The following NUBP2 variants were observed in gnomAD, a reference collection of about 807,000 sequenced individuals.
NUBP2 encodes NUBP iron-sulfur cluster assembly factor 2, cytosolic.
A neutral mutation model predicts 24.9 loss-of-function variants in NUBP2; 23 were observed. The observed-to-expected ratio is 0.92, with a 90% confidence interval of 0.66 to 1.31. NUBP2 has a LOEUF of 1.31. NUBP2 is among the 50% of genes most tolerant of loss of function. The pLI is 0.00. For synonymous variants in NUBP2, 186 were observed against 170.9 expected, an observed-to-expected ratio of 1.09 and a Z score of -0.69; for missense variants, 403 against 386.5, an observed-to-expected ratio of 1.04 and a Z score of -0.36.
At chr16:1,786,340 CCCCCGGGTCTGG>C in intron 1 of NUBP2, 185 bp from the exon 2 acceptor site, 1 of 603,030 alleles carries the variant, frequency 1.7e-6, no homozygotes, top group Non-Finnish European at 2.9e-6. Context: ...TTAGAGGGTC[CCCCCGGGTCTGG>C]GGCTGCAGGG....
At position 1,786,424 on chromosome 16, in the gene NUBP2, G is replaced by A. The variant is rs1596872461; in HGVS notation, c.17-113G>A. 10 of 943,532 alleles carry A rather than the reference G, an allele frequency of 1.1e-5. No homozygotes were observed. In the East Asian group the frequency reaches 1.7e-4, roughly 16 times the overall value. 58.4% of individuals were successfully genotyped at this position (943,532 alleles called of 1,614,324 possible). On this transcript the variant is annotated intron_variant, in intron 1 of 6. Coordinates refer to ENST00000262302, the MANE Select transcript of NUBP2 (RefSeq NM_012225.4). ...GGCACGGGCTGCCTCTGGGTCTGGCGATTCACCACTGCCCCGCTCAGAACG... is the reference window on the plus strand; with the variant it reads ...GGCACGGGCTGCCTCTGGGTCTGGCAATTCACCACTGCCCCGCTCAGAACG...
chr16:1,783,115 G>C (rs886326421), intron 1 of NUBP2, 79 bp downstream of exon 1: 2 of 1,214,180 alleles, frequency 1.6e-6, no homozygotes, highest in Non-Finnish European at 2.0e-6. Flanking sequence ...GGGCGGCCTC[G>C]CTGCGTCGCG....
Position 1,786,611 on chromosome 16 carries a change from A to G in NUBP2, c.91A>G (p.Ile31Val). The part of the protein sequence containing the change: ...SGKGGVGKST[I>V]STELALALRH... ...AAAGGGGGGCGTTGGGAAAAGCACC[A>G]TCTCCACGGAGCTGGCCCTGGCACT... The change falls in exon 2 of 7, where the codon ATC becomes GTC. Residue 31 changes from isoleucine (I) to valine (V), a missense_variant. By Grantham distance (29) the Ile-to-Val change is conservative. Transcript: ENST00000262302. 6.2e-7 allele frequency: 1 copy of G among 1,612,648 alleles called. No homozygotes were observed.
At chr16:1,785,353 T>C in intron 1 of NUBP2, 1 of 1,121,640 alleles carries the variant, frequency 8.9e-7, no homozygotes, top group Non-Finnish European at 1.1e-6. Flanking sequence ...AAGGCCTGCA[T>C]TTACCATGGT....
At chr16:1,783,975 G>C in intron 1 of NUBP2, 1 of 982,208 alleles carries the variant, frequency 1.0e-6, no homozygotes, top group Non-Finnish European at 1.2e-6. Context: ...TTACAGGCGT[G>C]AGCCACGGCG....
At chr16:1,787,335 C>A in intron 3 of NUBP2, 1 of 432,582 alleles carries the variant, frequency 2.3e-6, no homozygotes, top group Non-Finnish European at 4.2e-6. Flanking sequence ...TGTGGGTGCA[C>A]CAGTGGGGCA....
At position 1,787,664 on chromosome 16, in the gene NUBP2, C is replaced by T; in HGVS notation, c.335-13C>T. On this transcript the variant is annotated splice_polypyrimidine_tract_variant and intron_variant, in intron 3 of 6. Coordinates refer to ENST00000262302, the MANE Select transcript of NUBP2 (RefSeq NM_012225.4). ...GCCCTGCCCTGACCGCCCCGTCTGC[C>T]CCGTCTTTGCAGCGCTGATAAAGCA... The T allele has an allele frequency of 6.2e-7, 1 of 1,611,282 alleles. No homozygotes were observed.
At position 1,788,188 on chromosome 16, in the gene NUBP2, C is replaced by G; in HGVS notation, c.651C>G (p.Leu217=). The G allele has an allele frequency of 6.6e-7, 1 of 1,506,108 alleles. No homozygotes were observed. Among genetic ancestry groups the G allele is most frequent in the Non-Finnish European group, 8.8e-7 (1 of 1,130,604 alleles). 93.3% of individuals were successfully genotyped at this position (1,506,108 alleles called of 1,614,324 possible). A position where few individuals can be genotyped will look rare whatever the true frequency, so the allele number is the denominator to read the frequency against. ...GCGGCGGAGAGGAGCTGGCCCAGCT[C>G]GCCGGGGTGCCCTTCTTAGGTGAGT... The part of the protein sequence containing the change: ...SRGGGEELAQ[L]AGVPFLGSVP... Residue 217 remains leucine, a synonymous_variant, in exon 6 of 7, where the codon CTC becomes CTG. Transcript: ENST00000262302.
At chr16:1,784,034 C>T (rs1896847886) in intron 1 of NUBP2, 2 of 984,998 alleles carry the variant, frequency 2.0e-6, no homozygotes, top group Non-Finnish European at 1.2e-6. Flanking sequence ...CTGGAAAAGC[C>T]TGTCCTTATT....
chr16:1,786,937 A>C lies in NUBP2; in HGVS notation c.316A>C (p.Arg106=). 1 of 1,520,200 alleles carries C rather than the reference A, an allele frequency of 6.6e-7. No homozygotes were observed. The highest frequency in any genetic ancestry group is 8.8e-7 in the Non-Finnish European group (1 of 1,131,888). 94.2% of individuals were successfully genotyped at this position (1,520,200 alleles called of 1,614,324 possible). ...GAAGCCGGACGAGGCCGTGGTGTGG[A>C]GAGGCCCCAAGAAAAACGGTAACGG... The part of the protein sequence containing the change: ...LEKPDEAVVW[R]GPKKNALIKQ... Residue 106 remains arginine (R), a synonymous_variant, in exon 3 of 7, where the codon AGA becomes CGA. Coordinates refer to ENST00000262302, the MANE Select transcript of NUBP2 (RefSeq NM_012225.4).
At chr16:1,785,898 C>T (rs774335705) in intron 1 of NUBP2, 16 of 1,286,414 alleles carry the variant, frequency 1.2e-5, no homozygotes, top group Middle Eastern at 2.2e-4. Context: ...AGCGGTGGCG[C>T]CGGGGTGAGA....
At chr16:1,788,418 T>C in intron 6 of NUBP2, 151 bp from the exon 7 acceptor site, 1 of 1,271,200 alleles carries the variant, frequency 7.9e-7, no homozygotes, top group Non-Finnish European at 1.0e-6. Flanking sequence ...GGACCCAGCC[T>C]GCTGGGAGGG....
chr16:1,783,025 A>G lies in NUBP2; in HGVS notation c.5A>G (p.Glu2Gly), dbSNP rs1025220344. 7.3e-7 allele frequency: 1 copy of G among 1,376,492 alleles called. No individual in the cohort carries two copies. The highest frequency in any genetic ancestry group is 9.4e-7 in the Non-Finnish European group (1 of 1,060,184). The allele number at this position is 1,376,492 out of a possible 1,614,324, so 85.3% of individuals were successfully genotyped here. Residue 2 changes from glutamate to glycine, a missense_variant, in exon 1 of 7, where the codon GAG (glutamate) becomes GGG (glycine). By Grantham distance (98) the Glu-to-Gly change is moderately conservative (BLOSUM62 -2). Coordinates refer to ENST00000262302, the MANE Select transcript of NUBP2 (RefSeq NM_012225.4). Reference protein sequence around the residue: MEAAAEPGNLAG... With the variant: MGAAAEPGNLAG... Reference sequence around the variant, plus strand: ...CGAGCTCCTGGAGGCGGCGGGATGGAGGCGGCGGCCGGTGAGTGGCGGGCC... The same window carrying G: ...CGAGCTCCTGGAGGCGGCGGGATGGGGGCGGCGGCCGGTGAGTGGCGGGCC...
chr16:1,784,047 C>T (rs1779273063), intron 1 of NUBP2: 3 of 983,936 alleles, frequency 3.0e-6, no homozygotes, highest in Non-Finnish European at 3.6e-6. Flanking sequence ...TCCTTATTAT[C>T]AGGACGGATT....
chr16:1,786,807 C>A lies in NUBP2; in HGVS notation c.186C>A (p.Leu62=). 1 of 1,609,898 alleles carries A rather than the reference C, an allele frequency of 6.2e-7. No individual in the cohort carries two copies. The highest frequency in any genetic ancestry group is 8.5e-7 in the Non-Finnish European group (1 of 1,178,106). The stretch of plus-strand genomic sequence containing the variant: ...GTGGCCCCAGTATCCCCCGCATGCT[C>A]GGGGCGCAGGGCAGGGCTGTGCACC... ...DLCGPSIPRM[L]GAQGRAVHQC... Residue 62 remains leucine, a synonymous_variant, in exon 3 of 7, where the codon CTC becomes CTA. Transcript: ENST00000262302.
intron 1 of NUBP2, chr16:1,785,073 T>C: frequency 1.0e-6 from 1 of 984,550 alleles, no homozygotes; most frequent in Non-Finnish European, 1.2e-6. Flanking sequence ...ATACATTTAC[T>C]GTAAAAATAT....
chr16:1,784,064 A>G, intron 1 of NUBP2: 1 of 982,334 alleles, frequency 1.0e-6, no homozygotes, highest in Non-Finnish European at 1.2e-6. Context: ...GATTTACTAC[A>G]AAGTAAGGAT....
chr16:1,783,782 C>T (rs979981267), intron 1 of NUBP2: 6 of 165,184 alleles, frequency 3.6e-5, no homozygotes, highest in Admixed American at 1.3e-4. Flanking sequence ...CCAGCTCCGC[C>T]TCCCGGGTTC....
chr16:1,787,979 C>T lies in NUBP2; in HGVS notation c.528C>T (p.Phe176=). 6.2e-7 allele frequency: 1 copy of T among 1,605,462 alleles called. No homozygotes were observed. The highest frequency in any genetic ancestry group is 8.5e-7 in the Non-Finnish European group (1 of 1,177,486). Residue 176 remains phenylalanine, a synonymous_variant, in exon 5 of 7, where the codon TTC becomes TTT. Transcript: ENST00000262302. ...SVGDVRRELT[F]CRKTGLRVMG... ...GGGACGTGAGGCGCGAGCTGACCTT[C>T]TGTAGGAAGACGGGCTTGCGGGTGA...
Sources: gnomAD v4.1 joint callset for allele counts on GRCh38, gnomAD v4.1.1 for gene constraint, MANE v1.5 for transcripts, NCBI Gene and HGNC (gene_info 2026-07-23, HGNC 2026-07-21) for gene names.